The following GULP1 variants were observed in gnomAD, a reference collection of about 807,000 sequenced individuals.
The protein encoded by GULP1 is GULP PTB domain containing engulfment adaptor 1, also known as PTB domain-containing engulfment adapter protein 1.
In GULP1, 19 loss-of-function variants were observed where a neutral mutation model predicts 40.9. The observed-to-expected ratio is 0.46, with a 90% confidence interval of 0.32 to 0.68. The LOEUF is 0.68. GULP1 is among the 30% of genes least tolerant of loss of function. The pLI is 0.03. For missense variants in GULP1, 312 were observed against 362.2 expected (o/e 0.86, Z 1.12); for synonymous variants, 119 against 117.6 (o/e 1.01, Z -0.08).
chr2:188,427,752 A>G (rs909408311), intron 2 of GULP1, among the ~76,000 whole-genome samples: 1 of 152,182 alleles, frequency 6.6e-6, no homozygotes, highest in Non-Finnish European at 1.5e-5. Context: ...CACTGGTGGA[A>G]CCCTCATGGA....
intron 7 of GULP1, among the ~76,000 whole-genome samples, chr2:188,547,088 ATGGTTTC>A (rs1692162364): frequency 6.6e-6 from 1 of 151,906 alleles, no homozygotes; most frequent in Non-Finnish European, 1.5e-5. Flanking sequence ...CCAGGTGTAG[ATGGTTTC>A]ACTGGAGAAT....
intron 2 of GULP1, among the ~76,000 whole-genome samples, chr2:188,426,635 A>G (rs2056238349): frequency 6.6e-6 from 1 of 152,224 alleles, no homozygotes; most frequent in Non-Finnish European, 1.5e-5. Context: ...CTTATACAAC[A>G]GTCTCTTTTG....
intron 1 of GULP1, among the ~76,000 whole-genome samples, chr2:188,300,325 T>A (rs564259256): frequency 2.6e-5 from 4 of 152,322 alleles, no homozygotes; most frequent in African/African-American, 9.6e-5. Context: ...TGGTAGTAAG[T>A]AACTGTGCCA....
chr2:188,586,753 T>C (rs1161312828), intron 10 of GULP1, among the ~76,000 whole-genome samples: 1 of 152,050 alleles, frequency 6.6e-6, no homozygotes, highest in Non-Finnish European at 1.5e-5. Flanking sequence ...ACTTATTTAA[T>C]ACAAGAATCT....
intron 5 of GULP1, among the ~76,000 whole-genome samples, chr2:188,524,614 T>G (rs78843952): frequency 6.7e-6 from 1 of 149,024 alleles, no homozygotes; most frequent in Non-Finnish European, 1.5e-5. Context: ...ATTTTTTTTT[T>G]GCTTTTTTTG....
intron 1 of GULP1, among the ~76,000 whole-genome samples, chr2:188,378,781 A>G (rs2048635837): frequency 6.6e-6 from 1 of 152,170 alleles, no homozygotes; most frequent in South Asian, 2.1e-4. Flanking sequence ...CCATGACCCA[A>G]ATACCTCTCA....
At chr2:188,460,826 C>T (rs536224218) in intron 2 of GULP1, among the ~76,000 whole-genome samples, 1 of 152,220 alleles carries the variant, frequency 6.6e-6, no homozygotes, top group African/African-American at 2.4e-5. Flanking sequence ...TATGTTCTTT[C>T]TATACCCAGT....
At chr2:188,330,425 A>G (rs2041406317) in intron 1 of GULP1, among the ~76,000 whole-genome samples, 2 of 152,198 alleles carry the variant, frequency 1.3e-5, no homozygotes, top group Admixed American at 1.3e-4. Context: ...GAGAGTAATC[A>G]CTGATTTTCC....
chr2:188,454,873 C>T (rs759659477), intron 2 of GULP1, among the ~76,000 whole-genome samples: 20 of 152,146 alleles, frequency 1.3e-4, no homozygotes, highest in East Asian at 1.9e-4. Flanking sequence ...CCTATAATTG[C>T]AGCGCTTTGG....
chr2:188,353,608 A>G (rs2044819297), intron 1 of GULP1, among the ~76,000 whole-genome samples: 1 of 151,922 alleles, frequency 6.6e-6, no homozygotes, highest in Non-Finnish European at 1.5e-5. Context: ...GGCTGCCTAG[A>G]GCAGTCACCG....
At chr2:188,301,686 G>T (rs2106087051) in intron 1 of GULP1, among the ~76,000 whole-genome samples, 1 of 152,254 alleles carries the variant, frequency 6.6e-6, no homozygotes, top group African/African-American at 2.4e-5. Flanking sequence ...TCACATGTCA[G>T]GTGAAATGAG....
chr2:188,515,498 AG>A (rs1360784875), intron 4 of GULP1, among the ~76,000 whole-genome samples: 2 of 152,164 alleles, frequency 1.3e-5, no homozygotes, highest in African/African-American at 2.4e-5. Context: ...AGCACGTCAG[AG>A]TCATGTTAAC....
intron 4 of GULP1, among the ~76,000 whole-genome samples, chr2:188,489,279 T>C (rs1392563656): frequency 1.3e-5 from 2 of 151,984 alleles, no homozygotes; most frequent in Non-Finnish European, 2.9e-5. Flanking sequence ...GAATTGCAAT[T>C]TCATGAGATT....
chr2:188,422,993 T>C (rs933803800), intron 2 of GULP1, among the ~76,000 whole-genome samples: 4 of 152,166 alleles, frequency 2.6e-5, no homozygotes, highest in African/African-American at 9.6e-5. Flanking sequence ...TACCCAGAAC[T>C]TGAGATTTCC....
chr2:188,521,215 A>G (rs1255037732), intron 4 of GULP1, among the ~76,000 whole-genome samples: 5 of 152,196 alleles, frequency 3.3e-5, no homozygotes, highest in Non-Finnish European at 7.3e-5. Context: ...TTTTTTCTAG[A>G]ATAAAACCTG....
intron 3 of GULP1, among the ~76,000 whole-genome samples, chr2:188,479,179 A>T (rs769279248): frequency 6.6e-5 from 10 of 152,100 alleles, no homozygotes; most frequent in African/African-American, 9.7e-5. Flanking sequence ...CTGAAGTGAG[A>T]GGTGTTCAAA....
chr2:188,492,491 A>G (rs2153100940), intron 4 of GULP1, among the ~76,000 whole-genome samples: 1 of 152,156 alleles, frequency 6.6e-6, no homozygotes, highest in East Asian at 1.9e-4. Context: ...ATAATTTTCT[A>G]AGCATTTCAC....
At chr2:188,319,072 A>C (rs991778054) in intron 1 of GULP1, among the ~76,000 whole-genome samples, 15 of 151,854 alleles carry the variant, frequency 9.9e-5, no homozygotes, top group Non-Finnish European at 2.2e-4. Context: ...TTTAGCTAGC[A>C]AATTCCTTTA....
intron 1 of GULP1, among the ~76,000 whole-genome samples, chr2:188,322,046 A>G (rs545825395): frequency 2.5e-4 from 38 of 152,230 alleles, no homozygotes; most frequent in African/African-American, 8.4e-4. Context: ...AAATAAATAA[A>G]TGAATAAAAT....
Sources: gnomAD v4.1 joint callset for allele counts (sites outside exome capture counted in the v4.1 genomes callset) on GRCh38, gnomAD v4.1.1 for gene constraint, MANE v1.5 for transcripts, NCBI Gene and HGNC (gene_info 2026-07-23, HGNC 2026-07-21) for gene names.